Variants in RFTN2 observed in about 807,000 individuals in gnomAD.
RFTN2 encodes raftlin-2.
RFTN2 carries 34 observed loss-of-function variants against 52.7 expected under a neutral mutation model. The ratio of observed to expected loss-of-function variants is 0.64; its 90% CI spans 0.49 to 0.86. The LOEUF (loss-of-function observed/expected upper bound fraction) is 0.86, where lower values mean the gene tolerates loss of function less well. Among genes scored for constraint, RFTN2 ranks in the 40% least tolerant of loss-of-function variants. The pLI, the probability that RFTN2 is intolerant of heterozygous loss-of-function variation, is 0.00. For missense variants in RFTN2, 536 were observed against 600.1 expected (o/e 0.89, Z 1.12); for synonymous variants, 203 against 217.7 (o/e 0.93, Z 0.59).
intron 8 of RFTN2, among the ~76,000 whole-genome samples, chr2:197,588,346 A>G (rs1384235458): frequency 1.3e-5 from 2 of 151,948 alleles, no homozygotes; most frequent in Non-Finnish European, 2.9e-5. Context: ...GTTCTTTCCT[A>G]TTCATTTTTA....
chr2:197,660,969 A>G (rs567627068), intron 1 of RFTN2, among the ~76,000 whole-genome samples: 1 of 152,248 alleles, frequency 6.6e-6, no homozygotes, highest in South Asian at 2.1e-4. Flanking sequence ...CCACTGTTGA[A>G]CAATATTACA....
intron 1 of RFTN2, among the ~76,000 whole-genome samples, chr2:197,660,163 A>C (rs2088957987): frequency 6.6e-6 from 1 of 152,222 alleles, no homozygotes; most frequent in African/African-American, 2.4e-5. Context: ...CAGAGAAGGA[A>C]AACTTCATTG....
intron 1 of RFTN2, among the ~76,000 whole-genome samples, chr2:197,666,218 G>A (rs959223930): frequency 6.6e-6 from 1 of 152,104 alleles, no homozygotes; most frequent in African/African-American, 2.4e-5. Context: ...CTGAGTAGTG[G>A]GGACTACAGG....
intron 1 of RFTN2, among the ~76,000 whole-genome samples, chr2:197,668,442 G>A (rs1401289388): frequency 6.6e-6 from 1 of 152,136 alleles, no homozygotes; most frequent in Non-Finnish European, 1.5e-5. Context: ...GCCTAGACAG[G>A]TGGGGAACAT....
intron 5 of RFTN2, among the ~76,000 whole-genome samples, chr2:197,619,107 G>C (rs943318527): frequency 1.3e-5 from 2 of 150,546 alleles, no homozygotes; most frequent in African/African-American, 4.9e-5. Context: ...CCCTCTGCCC[G>C]GCCAGCCGCC....
At chr2:197,621,254 C>T (rs922131286) in intron 5 of RFTN2, among the ~76,000 whole-genome samples, 1 of 151,296 alleles carries the variant, frequency 6.6e-6, no homozygotes, top group Non-Finnish European at 1.5e-5. Context: ...ATTATAATCT[C>T]CTTCTTTCTT....
In RFTN2 at chr2:197,568,815, G is replaced by A. The variant is rs916356268; in HGVS notation, c.*3193C>T. ...CAATAACAGGCAAGGGCGGGAAAAC[G>A]GGACAGCTCCTCTGGCACTCCAGAA... On this transcript the variant is annotated 3_prime_UTR_variant, in exon 9 of 9. Transcript: ENST00000295049. 5.3e-5 allele frequency: 8 copies of A among 152,152 alleles called. No individual in the cohort carries two copies. The highest frequency in any genetic ancestry group is 1.9e-4 in the African/African-American group (8 of 41,412). 9.4% of individuals were successfully genotyped at this position (152,152 alleles called of 1,614,324 possible).
intron 8 of RFTN2, among the ~76,000 whole-genome samples, chr2:197,590,653 T>C (rs538161815): frequency 1.3e-5 from 2 of 152,262 alleles, no homozygotes; most frequent in South Asian, 4.1e-4. Context: ...GTTTGCTCCT[T>C]CTGGTGTTTG....
chr2:197,585,913 C>G (rs532121249), intron 8 of RFTN2, among the ~76,000 whole-genome samples: 1 of 152,278 alleles, frequency 6.6e-6, no homozygotes, highest in South Asian at 2.1e-4. Context: ...ATTCGGACCC[C>G]TCACAACACA....
intron 8 of RFTN2, among the ~76,000 whole-genome samples, chr2:197,587,812 C>G (rs2087626326): frequency 6.6e-6 from 1 of 152,168 alleles, no homozygotes; most frequent in Non-Finnish European, 1.5e-5. Context: ...ACATTTCCAA[C>G]AAACCAAACT....
chr2:197,672,926 G>T (rs1351888461), intron 1 of RFTN2, among the ~76,000 whole-genome samples: 1 of 152,128 alleles, frequency 6.6e-6, no homozygotes, highest in Non-Finnish European at 1.5e-5. Flanking sequence ...TTTGTTTTCT[G>T]GGTGGAGCTT....
intron 3 of RFTN2, among the ~76,000 whole-genome samples, chr2:197,634,806 T>C (rs529922542): frequency 1.3e-5 from 2 of 152,146 alleles, no homozygotes; most frequent in Admixed American, 1.3e-4. Flanking sequence ...TACATATGTA[T>C]ACATGTGACA....
At chr2:197,640,618 A>G (rs966382623) in intron 3 of RFTN2, among the ~76,000 whole-genome samples, 19 of 152,062 alleles carry the variant, frequency 1.2e-4, no homozygotes, top group Non-Finnish European at 2.1e-4. Flanking sequence ...GCACCCACTG[A>G]CCTGCGCCCA....
At chr2:197,673,438 CAAAG>C (rs2106279519) in intron 1 of RFTN2, among the ~76,000 whole-genome samples, 1 of 152,124 alleles carries the variant, frequency 6.6e-6, no homozygotes, top group African/African-American at 2.4e-5. Context: ...AAGACAGAAA[CAAAG>C]AAAAAACTAA....
chr2:197,581,763 A>C (rs2087514502), intron 8 of RFTN2, among the ~76,000 whole-genome samples: 1 of 152,172 alleles, frequency 6.6e-6, no homozygotes, highest in Non-Finnish European at 1.5e-5. Flanking sequence ...CTGATCTCTC[A>C]AACCCCAACC....
At chr2:197,653,748 G>T (rs2088854955) in intron 1 of RFTN2, among the ~76,000 whole-genome samples, 1 of 152,040 alleles carries the variant, frequency 6.6e-6, no homozygotes, top group African/African-American at 2.4e-5. Context: ...CCAAAAAAAA[G>T]TTCTGAAAAA....
At chr2:197,672,070 G>A (rs1559370822) in intron 1 of RFTN2, among the ~76,000 whole-genome samples, 1 of 152,042 alleles carries the variant, frequency 6.6e-6, no homozygotes, top group Non-Finnish European at 1.5e-5. Flanking sequence ...TCACTAATAA[G>A]CAGGAATAAT....
At chr2:197,637,093 C>G (rs989142731) in intron 3 of RFTN2, among the ~76,000 whole-genome samples, 1 of 150,206 alleles carries the variant, frequency 6.7e-6, no homozygotes, top group Non-Finnish European at 1.5e-5. Flanking sequence ...ATGAAGCCCA[C>G]TTGATCATGG....
At chr2:197,656,703 A>G (rs796456854) in intron 1 of RFTN2, among the ~76,000 whole-genome samples, 4 of 152,308 alleles carry the variant, frequency 2.6e-5, no homozygotes, top group African/African-American at 9.6e-5. Context: ...AGAACTCTGG[A>G]TTAGAGGTCT....
Sources: allele counts gnomAD v4.1 joint callset (sites outside exome capture counted in the v4.1 genomes callset), GRCh38; gene constraint gnomAD v4.1.1; transcripts MANE v1.5; gene names NCBI Gene and HGNC (gene_info 2026-07-23, HGNC 2026-07-21).